Variants in ZNF143 observed in about 807,000 individuals in gnomAD.
The protein encoded by ZNF143 is zinc finger protein 143, also known as SPH-binding factor.
Under a neutral mutation model 74.1 loss-of-function variants are expected in ZNF143, and 49 were observed. The ratio of observed to expected loss-of-function variants is 0.66; its 90% CI spans 0.53 to 0.84. ZNF143 has a LOEUF of 0.84. Among genes scored for constraint, ZNF143 ranks in the 40% least tolerant of loss-of-function variants. ZNF143 has a pLI of 0.00. For synonymous variants in ZNF143, 304 were observed against 282.8 expected (o/e 1.07, Z -0.75); for missense variants, 637 against 793.4 (o/e 0.80, Z 2.37).
chr11:9,464,598 CTCAATCAATCAA>C lies in ZNF143; in HGVS notation c.-8+3536_-8+3547del, dbSNP rs374529221. On this transcript the variant is annotated intron_variant, in intron 1 of 15. Transcript: ENST00000396602. ...CCTGGGGGACAGAACAAGACCCTGTCTCAATCAATCAATCAATCAATCAATGGTGTGTGTTAA... is the reference window on the plus strand; with the variant it reads ...CCTGGGGGACAGAACAAGACCCTGTCTCAATCAATCAATGGTGTGTGTTAA... Among the ~76,000 whole-genome samples, 17 of 151,666 alleles carry C rather than the reference CTCAATCAATCAA, an allele frequency of 1.1e-4. No homozygotes were observed. The East Asian group carries it at 3.3e-3, about 29-fold the overall frequency.
chr11:9,513,731 A>G (rs1848631999), intron 13 of ZNF143, among the ~76,000 whole-genome samples: 1 of 152,166 alleles, frequency 6.6e-6, no homozygotes, highest in Non-Finnish European at 1.5e-5. Context: ...CCCCATCTCT[A>G]CTAAAAATAC....
At chr11:9,468,113 A>G (rs1856355861) in intron 1 of ZNF143, among the ~76,000 whole-genome samples, 1 of 152,174 alleles carries the variant, frequency 6.6e-6, no homozygotes, top group Non-Finnish European at 1.5e-5. Context: ...TCTGTTCCTC[A>G]TATTCCCTAG....
At chr11:9,484,842 G>C (rs1400721366) in intron 7 of ZNF143, among the ~76,000 whole-genome samples, 1 of 111,892 alleles carries the variant, frequency 8.9e-6, no homozygotes, top group African/African-American at 3.6e-5. Context: ...CTGTCGCCCA[G>C]GCTGGAGTGC....
Position 9,508,631 on chromosome 11 carries a change from A to C in ZNF143, c.1160A>C (p.Tyr387Ser). ...HVRIHTGEKP[Y>S]VCTVPGCDKR... ...TGTTGCTCTTTAGGAGAAAAGCCATATGTTTGTACAGTTCCTGGGTGTGAC... is the reference window on the plus strand; with the variant it reads ...TGTTGCTCTTTAGGAGAAAAGCCATCTGTTTGTACAGTTCCTGGGTGTGAC... The change falls in exon 12 of 16, where the codon TAT (tyrosine) becomes TCT (serine). Residue 387 changes from tyrosine (Y) to serine (S), a missense_variant. Tyr to Ser is a moderately radical substitution (Grantham distance 144). This residue lies in a region of ZNF143 where 344 missense variants were observed against 485.6 expected (regional missense o/e 0.71). Transcript: ENST00000396602. The C allele has an allele frequency of 6.2e-7, 1 of 1,611,850 alleles. No individual in the cohort carries two copies. The highest frequency in any genetic ancestry group is 8.5e-7 in the Non-Finnish European group (1 of 1,179,966).
At chr11:9,496,755 C>T (rs182478903) in intron 9 of ZNF143, among the ~76,000 whole-genome samples, 7 of 152,120 alleles carry the variant, frequency 4.6e-5, no homozygotes, top group Admixed American at 3.3e-4. Context: ...CGTCATCATG[C>T]CCGGCTCATA....
intron 7 of ZNF143, among the ~76,000 whole-genome samples, chr11:9,492,279 T>C (rs1419678331): frequency 6.6e-6 from 1 of 151,858 alleles, no homozygotes; most frequent in African/African-American, 2.4e-5. Context: ...CCTGGCTAAT[T>C]TTTATAATTT....
Position 9,508,616 on chromosome 11 carries a change from T to C in ZNF143, c.1148-3T>C, listed in dbSNP as rs1848441797. The C allele has an allele frequency of 1.9e-6, 3 of 1,608,672 alleles. No individual in the cohort carries two copies. The highest frequency in any genetic ancestry group is 2.5e-6 in the Non-Finnish European group (3 of 1,179,212). ...TGAACTTTTTTTTGGTGTTGCTCTT[T>C]AGGAGAAAAGCCATATGTTTGTACA... On this transcript the variant is annotated splice_polypyrimidine_tract_variant and splice_region_variant and intron_variant, in intron 11 of 15. Coordinates refer to ENST00000396602, the MANE Select transcript of ZNF143 (RefSeq NM_003442.6).
intron 3 of ZNF143, 145 bp downstream of exon 3, chr11:9,472,914 C>CTTT (rs35668857): frequency 4.4e-4 from 142 of 323,276 alleles, no homozygotes; most frequent in East Asian, 1.7e-3. Context: ...CAGTTTAATT[C>CTTT]TTTTTTTTTT....
At chr11:9,462,288 G>C (rs1476448000) in intron 1 of ZNF143, among the ~76,000 whole-genome samples, 2 of 148,338 alleles carry the variant, frequency 1.3e-5, no homozygotes, top group African/African-American at 5.0e-5. Flanking sequence ...ACAGATGCCC[G>C]CCTTTATTTT....
At chr11:9,522,937 A>AT (rs879608537) in intron 14 of ZNF143, among the ~76,000 whole-genome samples, 2,496 of 122,492 alleles carry the variant, frequency 0.02, 56 homozygotes, top group African/African-American at 0.069. Context: ...AATTTTTTGT[A>AT]TTTTTTTTTT....
chr11:9,504,671 T>G (rs1848287650), intron 11 of ZNF143, among the ~76,000 whole-genome samples: 1 of 109,952 alleles, frequency 9.1e-6, no homozygotes, highest in African/African-American at 3.0e-5. Flanking sequence ...TTTTTCTTTT[T>G]TCTTTTTTTT....
At chr11:9,461,413 G>A (rs1011407330) in intron 1 of ZNF143, among the ~76,000 whole-genome samples, 6 of 152,298 alleles carry the variant, frequency 3.9e-5, no homozygotes, top group Admixed American at 2.6e-4. Context: ...GCCCTCGGGA[G>A]CCTTGGCCGC....
intron 11 of ZNF143, among the ~76,000 whole-genome samples, chr11:9,508,353 G>A (rs372804441): frequency 1.3e-5 from 2 of 152,158 alleles, no homozygotes; most frequent in African/African-American, 4.8e-5. Flanking sequence ...GTTAAACTGG[G>A]CAACATCTCC....
Position 9,494,712 on chromosome 11 carries a change from C to T in ZNF143, c.712C>T (p.Arg238Ter), listed in dbSNP as rs1847900312. 1.9e-6 allele frequency: 3 copies of T among 1,613,302 alleles called. No homozygotes were observed. The highest frequency in any genetic ancestry group is 8.5e-7 in the Non-Finnish European group (1 of 1,179,366). Residue 238 changes from arginine (R) to a stop codon, truncating the protein, a stop_gained, in exon 8 of 16, where the codon CGA becomes TGA. Coordinates refer to ENST00000396602, the MANE Select transcript of ZNF143 (RefSeq NM_003442.6). LOFTEE classifies it high-confidence loss of function. ...TCAACAGAGTGGAGAGAAGGCATTT[C>T]GATGTGAATATGATGGATGTGGAAA... Reference protein sequence around the residue: ...KSQQSGEKAFRCEYDGCGKLY... With the variant: ...KSQQSGEKAF
intron 7 of ZNF143, among the ~76,000 whole-genome samples, chr11:9,487,130 C>T (rs536325287): frequency 4.0e-5 from 6 of 150,862 alleles, no homozygotes; most frequent in Admixed American, 3.3e-4. Flanking sequence ...CCACGCCTGG[C>T]TAATTTTTGT....
At chr11:9,489,290 A>G (rs1323237489) in intron 7 of ZNF143, among the ~76,000 whole-genome samples, 2 of 152,114 alleles carry the variant, frequency 1.3e-5, no homozygotes, top group Non-Finnish European at 2.9e-5. Flanking sequence ...AATGCTAGTG[A>G]CTTCAGCTGG....
intron 10 of ZNF143, among the ~76,000 whole-genome samples, chr11:9,499,400 C>T (rs894395178): frequency 7.9e-5 from 12 of 152,094 alleles, no homozygotes; most frequent in Non-Finnish European, 2.9e-5. Flanking sequence ...TCTTTGTTCT[C>T]CTTAGGCTGA....
chr11:9,461,596 A>G (rs1244810859), intron 1 of ZNF143: 1 of 151,792 alleles, frequency 6.6e-6, no homozygotes, highest in Admixed American at 6.6e-5. Flanking sequence ...CTTGCTTCCC[A>G]TGCGTATCGT....
In ZNF143 at chr11:9,474,562, T is replaced by C. The variant is rs1856772325; in HGVS notation, c.302T>C (p.Leu101Ser). The change falls in exon 5 of 16, where the codon TTG becomes TCG. Residue 101 changes from leucine (L) to serine (S), a missense_variant. Transcript: ENST00000396602. The stretch of plus-strand genomic sequence containing the variant: ...CATTGTTCTTGAGCAGGGGACAGTT[T>C]GCGTCTAGAGGATGGTCAAGCAGTA... ...VPIPKSTGDS[L>S]RLEDGQAVQL... is the part of the protein sequence containing the mutation. 6.2e-7 allele frequency: 1 copy of C among 1,614,020 alleles called. No individual in the cohort carries two copies. Among genetic ancestry groups the C allele is most frequent in the Admixed American group, 1.7e-5 (1 of 59,970 alleles).
Sources: allele counts gnomAD v4.1 joint callset (sites outside exome capture counted in the v4.1 genomes callset), GRCh38; gene constraint gnomAD v4.1.1; regional missense constraint gnomAD v4.1.1; transcripts MANE v1.5; gene names NCBI Gene and HGNC (gene_info 2026-07-23, HGNC 2026-07-21).